The following PTPRM variants were observed in gnomAD, a reference collection of about 807,000 sequenced individuals.
PTPRM encodes receptor-type tyrosine-protein phosphatase mu.
PTPRM carries 47 observed loss-of-function variants against 186.7 expected under a neutral mutation model. The observed-to-expected ratio is 0.25, with a 90% confidence interval of 0.20 to 0.32. PTPRM has a LOEUF of 0.32. PTPRM is among the 10% of genes least tolerant of loss of function. PTPRM has a pLI of 1.00. For synonymous variants in PTPRM, 668 were observed against 674.9 expected (o/e 0.99, Z 0.16); for missense variants, 1,494 against 1,865.0 (o/e 0.80, Z 3.66).
At chr18:7,955,471 A>G in intron 7 of PTPRM, 57 bp downstream of exon 7, 1 of 1,556,046 alleles carries the variant, frequency 6.4e-7, no homozygotes, top group East Asian at 2.3e-5. Context: ...GTTGACTGGC[A>G]GCACTGGGGT....
rs75327386 is a variant in PTPRM, at chr18:8,126,732, C to T, written c.2167+11905C>T. Among the ~76,000 whole-genome samples the T allele has an allele frequency of 1.6e-3, 247 of 152,196 alleles. 1 individual carries two copies. The highest frequency in any genetic ancestry group is 5.8e-3 in the African/African-American group (240 of 41,528). ...AAGATATAACTGATTGGATCTTAGCCACACTGAGTAGCAAGGAGGACAGTA... is the reference window on the plus strand; with the variant it reads ...AAGATATAACTGATTGGATCTTAGCTACACTGAGTAGCAAGGAGGACAGTA... On this transcript the variant is annotated intron_variant, in intron 13 of 32. Coordinates refer to ENST00000580170, the MANE Select transcript of PTPRM (RefSeq NM_001105244.2).
In PTPRM at chr18:8,253,315, G is replaced by C. The variant is rs965050707; in HGVS notation, c.2655G>C (p.Gln885His). The C allele has an allele frequency of 1.9e-6, 3 of 1,599,246 alleles. No homozygotes were observed. In the African/African-American group the frequency reaches 4.0e-5, roughly 22 times the overall value. ...KKREPADVPYQTGQLHPAIRV... is the reference protein window; with the variant it reads ...KKREPADVPYHTGQLHPAIRV... The stretch of plus-strand genomic sequence containing the variant: ...GAGAGCCGGCCGACGTGCCCTATCA[G>C]ACTGGGCAGCTCCACCCCGCCATCC... The change falls in exon 19 of 33, where the codon CAG (glutamine) becomes CAC (histidine). Residue 885 changes from glutamine to histidine, a missense_variant. Coordinates refer to ENST00000580170, the MANE Select transcript of PTPRM (RefSeq NM_001105244.2).
chr18:7,882,268 G>T (rs1363112877), intron 2 of PTPRM, among the ~76,000 whole-genome samples: 1 of 151,834 alleles, frequency 6.6e-6, no homozygotes, highest in Non-Finnish European at 1.5e-5. Flanking sequence ...AGCAATTCAT[G>T]TTTATTGTAT....
rs75100290 is a variant in PTPRM at position 7,957,126 on chromosome 18, A to G, written c.1132+1712A>G. 5.0e-3 allele frequency among the ~76,000 whole-genome samples: 750 copies of G among 150,354 alleles called. 12 individuals carry two copies. Among genetic ancestry groups the G allele is most frequent in the African/African-American group, 0.017 (710 of 41,056 alleles). On this transcript the variant is annotated intron_variant, in intron 7 of 32. Coordinates refer to ENST00000580170, the MANE Select transcript of PTPRM (RefSeq NM_001105244.2). Reference sequence around the variant, plus strand: ...TGGAGAGAGACTGTGATCTGTTTCAATTCTAGTCACTAGCAGCCCCACCTA... The same window carrying G: ...TGGAGAGAGACTGTGATCTGTTTCAGTTCTAGTCACTAGCAGCCCCACCTA...
At chr18:8,073,052 T>G (rs543722286) in intron 8 of PTPRM, among the ~76,000 whole-genome samples, 1 of 152,210 alleles carries the variant, frequency 6.6e-6, no homozygotes, top group African/African-American at 2.4e-5. Flanking sequence ...TTCTGAGATA[T>G]CCTCTTCCTA....
chr18:8,387,767 C>CGT (rs545428344), intron 31 of PTPRM, among the ~76,000 whole-genome samples: 964 of 88,796 alleles, frequency 0.011, 8 homozygotes, highest in Non-Finnish European at 0.017. Context: ...CGTGTGTGTG[C>CGT]GCGCGCGTGC....
intron 7 of PTPRM, chr18:8,049,471 A>G (rs929584161): frequency 1.3e-5 from 2 of 152,192 alleles, no homozygotes; most frequent in African/African-American, 2.4e-5. Flanking sequence ...GAGTTGATTT[A>G]TGAGACAAAG....
At chr18:7,767,007 A>G (rs2042045209) in intron 1 of PTPRM, among the ~76,000 whole-genome samples, 1 of 152,234 alleles carries the variant, frequency 6.6e-6, no homozygotes, top group Admixed American at 6.5e-5. Flanking sequence ...TGAGGAGTCA[A>G]TGACATCATG....
intron 14 of PTPRM, among the ~76,000 whole-genome samples, chr18:8,200,483 G>A (rs1052287863): frequency 2.0e-5 from 3 of 152,238 alleles, no homozygotes; most frequent in Admixed American, 6.5e-5. Context: ...GCCCTGTGAG[G>A]CCTTTCCACT....
intron 7 of PTPRM, among the ~76,000 whole-genome samples, chr18:8,028,397 G>T (rs1600147220): frequency 6.6e-6 from 1 of 152,110 alleles, no homozygotes; most frequent in East Asian, 1.9e-4. Context: ...GATTTTTCAG[G>T]TTATCAGAGG....
chr18:8,098,664 A>G (rs2091130982), intron 11 of PTPRM, among the ~76,000 whole-genome samples: 2 of 152,120 alleles, frequency 1.3e-5, no homozygotes, highest in Admixed American at 6.5e-5. Context: ...AGCCATTGCT[A>G]TAAATTCAGA....
intron 1 of PTPRM, among the ~76,000 whole-genome samples, chr18:7,645,135 G>C (rs1227176053): frequency 6.6e-6 from 1 of 152,124 alleles, no homozygotes; most frequent in Non-Finnish European, 1.5e-5. Flanking sequence ...AAATTTGTAT[G>C]ATTAGACTTT....
At chr18:8,311,258 G>A (rs1225263977) in intron 20 of PTPRM, among the ~76,000 whole-genome samples, 1 of 151,662 alleles carries the variant, frequency 6.6e-6, no homozygotes, top group Non-Finnish European at 1.5e-5. Context: ...GCAATGAGCC[G>A]AGATCGCGCC....
intron 19 of PTPRM, among the ~76,000 whole-genome samples, chr18:8,263,548 A>AT (rs1351514832): frequency 1.3e-5 from 2 of 152,200 alleles, no homozygotes; most frequent in Non-Finnish European, 2.9e-5. Flanking sequence ...TGATAAGAGC[A>AT]TCTTTTACTA....
At chr18:7,892,326 C>T (rs2049123588) in intron 3 of PTPRM, among the ~76,000 whole-genome samples, 1 of 152,152 alleles carries the variant, frequency 6.6e-6, no homozygotes, top group Non-Finnish European at 1.5e-5. Context: ...CCTCAGTCAG[C>T]TGCATTAAAG....
At chr18:7,966,419 T>C (rs572744013) in intron 7 of PTPRM, among the ~76,000 whole-genome samples, 3 of 152,320 alleles carry the variant, frequency 2.0e-5, no homozygotes, top group South Asian at 2.1e-4. Context: ...CACATATTTA[T>C]AGTCAGCATT....
intron 1 of PTPRM, among the ~76,000 whole-genome samples, chr18:7,580,781 C>G (rs1162542843): frequency 1.3e-5 from 2 of 152,204 alleles, no homozygotes. Flanking sequence ...CATATTATGT[C>G]TCCCTCCCCA....
intron 13 of PTPRM, among the ~76,000 whole-genome samples, chr18:8,139,283 C>T (rs1193405624): frequency 6.6e-6 from 1 of 152,160 alleles, no homozygotes; most frequent in Non-Finnish European, 1.5e-5. Context: ...ACACACTCGA[C>T]ATCCAGTTCA....
intron 7 of PTPRM, among the ~76,000 whole-genome samples, chr18:7,992,095 T>C (rs915992393): frequency 1.3e-5 from 2 of 152,148 alleles, no homozygotes; most frequent in South Asian, 4.1e-4. Flanking sequence ...CTGATGTGTA[T>C]TTTCCTCAGT....
Sources: gnomAD v4.1 joint callset for allele counts (sites outside exome capture counted in the v4.1 genomes callset) on GRCh38, gnomAD v4.1.1 for gene constraint, MANE v1.5 for transcripts, NCBI Gene and HGNC (gene_info 2026-07-23, HGNC 2026-07-21) for gene names.